USP9X: variants seen among roughly 807,000 people sequenced by gnomAD.
USP9X encodes ubiquitin specific peptidase 9 X-linked.
In USP9X, 7 loss-of-function variants were observed where a neutral mutation model predicts 190.3. The ratio of observed to expected loss-of-function variants is 0.04; its 90% CI spans 0.02 to 0.07. The LOEUF is 0.07. Among genes scored for constraint, USP9X ranks in the 10% least tolerant of loss-of-function variants. USP9X has a pLI of 1.00. For missense variants in USP9X, 1,010 were observed against 1,916.9 expected (o/e 0.53, Z 8.83); for synonymous variants, 645 against 659.5 (o/e 0.98, Z 0.34).
At chrX:41,230,393 C>T in intron 43 of USP9X, 108 bp from the exon 44 acceptor site, 1 of 634,712 alleles carries the variant, frequency 1.6e-6, no homozygotes. Context: ...AGAAAAGTTG[C>T]TAATGGGTCA....
chrX:41,134,771 G>C lies in USP9X; in HGVS notation c.369G>C (p.Gly123=). ...SEACQRFFRD[G]LTISFTKILT... ...CATGTCAGCGATTTTTCCGTGATGG[G>C]CTAACAATATCATTCACTAAAATTC... The change falls in exon 5 of 45, where the codon GGG becomes GGC. Residue 123 remains glycine, a synonymous_variant. Transcript: ENST00000378308. The C allele has an allele frequency of 7.4e-6, 9 of 1,209,138 alleles. No individual in the cohort carries two copies. The highest frequency in any genetic ancestry group is 4.6e-4 in the Middle Eastern group (2 of 4,347).
intron 33 of USP9X, among the ~76,000 whole-genome samples, chrX:41,212,496 A>G (rs2063175355): frequency 9.1e-6 from 1 of 109,918 alleles, no homozygotes; most frequent in African/African-American, 3.3e-5. Flanking sequence ...ATAAAAATAA[A>G]AAAAGATTTT....
intron 14 of USP9X, among the ~76,000 whole-genome samples, chrX:41,153,631 G>A (rs1196269706): frequency 2.7e-5 from 3 of 112,098 alleles, no homozygotes; most frequent in Non-Finnish European, 5.6e-5. Context: ...CTGATTGTAA[G>A]TCTTAGCCTG....
At chrX:41,106,611 A>G (rs1441842799) in intron 1 of USP9X, among the ~76,000 whole-genome samples, 37 of 95,910 alleles carry the variant, frequency 3.9e-4, no homozygotes, top group African/African-American at 1.4e-3. Context: ...GCTCACTGCA[A>G]CCTCCACCTC....
At chrX:41,178,580 T>A (rs2062799680) in intron 21 of USP9X, among the ~76,000 whole-genome samples, 1 of 112,189 alleles carries the variant, frequency 8.9e-6, no homozygotes, top group African/African-American at 3.2e-5. Flanking sequence ...TCGGATTTTT[T>A]GCTGTTGAGT....
At chrX:41,110,676 A>G (rs1292345258) in intron 1 of USP9X, among the ~76,000 whole-genome samples, 1 of 112,112 alleles carries the variant, frequency 8.9e-6, no homozygotes, top group Non-Finnish European at 1.9e-5. Context: ...TATTGTCACT[A>G]TTAATGAGGA....
chrX:41,127,072 C>T (rs1462835070), intron 2 of USP9X, among the ~76,000 whole-genome samples: 1 of 110,950 alleles, frequency 9.0e-6, no homozygotes, highest in Non-Finnish European at 1.9e-5. Flanking sequence ...TGTCAGTGGC[C>T]TTCAAAGAAA....
chrX:41,125,684 A>ACACTCT lies in USP9X; in HGVS notation c.96+1961_96+1962insACTCTC. Among the ~76,000 whole-genome samples the ACACTCT allele has an allele frequency of 5.7e-3, 108 of 19,019 alleles. 1 individual carries two copies. The highest frequency in any genetic ancestry group is 7.3e-3 in the Non-Finnish European group (81 of 11,150). 16.5% of individuals were successfully genotyped at this position (19,019 alleles called of 115,157 possible). ...CACACACACACACACACACACACAC[A>ACACTCT]CTCTCTCTCTCTCTCTCTCTCTCTC... On this transcript the variant is annotated intron_variant, in intron 2 of 44. Transcript: ENST00000378308.
intron 40 of USP9X, 42 bp downstream of exon 40, chrX:41,225,004 T>C: frequency 8.3e-7 from 1 of 1,209,075 alleles, no homozygotes; most frequent in South Asian, 1.8e-5. Context: ...ATTTGATTTG[T>C]TATTCCTTTC....
chrX:41,116,422 A>G (rs2062147988), intron 1 of USP9X, among the ~76,000 whole-genome samples: 1 of 112,372 alleles, frequency 8.9e-6, no homozygotes, highest in Non-Finnish European at 1.9e-5. Context: ...AGGTATGCCT[A>G]AATCTCTGTG....
In USP9X at chrX:41,218,365, A is replaced by G. The variant is rs780836855; in HGVS notation, c.6210-7A>G. 3.3e-6 allele frequency: 4 copies of G among 1,204,834 alleles called. No individual in the cohort carries two copies. The highest frequency in any genetic ancestry group is 4.5e-6 in the Non-Finnish European group (4 of 892,596). ...TAATAGTCATAGGTTTTTTTGTTTTATTTTAGGTATGATGCATTGTGTATT... is the reference window on the plus strand; with the variant it reads ...TAATAGTCATAGGTTTTTTTGTTTTGTTTTAGGTATGATGCATTGTGTATT... On this transcript the variant is annotated splice_region_variant and splice_polypyrimidine_tract_variant and intron_variant, in intron 36 of 44. Transcript: ENST00000378308.
chrX:41,181,605 C>G (rs1432592126), intron 21 of USP9X, among the ~76,000 whole-genome samples: 1 of 108,361 alleles, frequency 9.2e-6, no homozygotes, highest in Non-Finnish European at 1.9e-5. Flanking sequence ...GACGCCACCA[C>G]GCCCAGCTAA....
intron 26 of USP9X, among the ~76,000 whole-genome samples, chrX:41,195,523 G>A (rs190876442): frequency 9.9e-4 from 110 of 111,456 alleles, no homozygotes; most frequent in East Asian, 4.2e-3. Context: ...CTGCCAGTAC[G>A]GTATACGGCA....
rs1164637303 is a variant in USP9X at position 41,087,882 on chromosome X, G to A, written c.-159+1773G>A. ...GGAGGGAGTAATAGCACCAGCAACAGTACATGTGAGAATCTTAAGTTACTT... is the reference window on the plus strand; with the variant it reads ...GGAGGGAGTAATAGCACCAGCAACAATACATGTGAGAATCTTAAGTTACTT... On this transcript the variant is annotated intron_variant, in intron 1 of 44. Coordinates refer to ENST00000378308, the MANE Select transcript of USP9X (RefSeq NM_001039591.3). 2.7e-5 allele frequency among the ~76,000 whole-genome samples: 3 copies of A among 112,286 alleles called. No individual in the cohort carries two copies. In the Admixed American group the frequency reaches 2.8e-4, roughly 11 times the overall value.
chrX:41,194,312 T>C (rs1179757950), intron 26 of USP9X, among the ~76,000 whole-genome samples: 1 of 111,892 alleles, frequency 8.9e-6, no homozygotes, highest in East Asian at 2.8e-4. Context: ...CCCAGCACTT[T>C]GGGAGGCCGA....
rs186333517 is a variant in USP9X at position 41,234,061 on chromosome X, A to T, written c.*1537A>T. ...TTTTTTGTCCTTTTTTTTTTTTTTT[A>T]AAAGAGGACTGCATATTAAAATTCA... On this transcript the variant is annotated 3_prime_UTR_variant, in exon 45 of 45. Coordinates refer to ENST00000378308, the MANE Select transcript of USP9X (RefSeq NM_001039591.3). The T allele has an allele frequency of 0.15, 14,174 of 93,194 alleles. 985 individuals carry two copies. The highest frequency in any genetic ancestry group is 0.23 in the African/African-American group (5,785 of 24,864). 7.7% of individuals were successfully genotyped at this position (93,194 alleles called of 1,213,427 possible).
Position 41,232,634 on chromosome X carries a change from C to A in USP9X, c.*110C>A. ...AACTAGAAAAACTATTCCTAATCAA[C>A]ATGGAGTGGAGAGTTTATTCACTGT... On this transcript the variant is annotated 3_prime_UTR_variant, in exon 45 of 45. Coordinates refer to ENST00000378308, the MANE Select transcript of USP9X (RefSeq NM_001039591.3). 1 of 1,007,186 alleles carries A rather than the reference C, an allele frequency of 9.9e-7. No homozygotes were observed. The highest frequency in any genetic ancestry group is 2.6e-5 in the South Asian group (1 of 39,209). 83.0% of individuals were successfully genotyped at this position (1,007,186 alleles called of 1,213,427 possible).
intron 16 of USP9X, 113 bp from the exon 17 acceptor site, chrX:41,167,369 C>T: frequency 1.9e-6 from 1 of 531,491 alleles, no homozygotes; most frequent in Non-Finnish European, 3.0e-6. Flanking sequence ...AGTCAACTTA[C>T]CATTAAATCA....
chrX:41,107,144 A>G (rs1375970224), intron 1 of USP9X, among the ~76,000 whole-genome samples: 1 of 110,388 alleles, frequency 9.1e-6, no homozygotes. Flanking sequence ...CTGGCCTCCC[A>G]AAGTGCTGGG....
Sources: allele counts gnomAD v4.1 joint callset (sites outside exome capture counted in the v4.1 genomes callset), GRCh38; gene constraint gnomAD v4.1.1; transcripts MANE v1.5; gene names NCBI Gene and HGNC (gene_info 2026-07-23, HGNC 2026-07-21).